Variants in SLMAP observed in about 807,000 individuals in gnomAD.
SLMAP encodes the protein sarcolemma associated protein, also known as sarcolemmal membrane-associated protein.
In SLMAP, 44 loss-of-function variants were observed where a neutral mutation model predicts 128.8. The observed-to-expected ratio is 0.34, with a 90% CI of 0.27 to 0.44. The LOEUF (loss-of-function observed/expected upper bound fraction) is 0.44, where lower values mean the gene tolerates loss of function less well. Ranked by LOEUF, SLMAP falls within the 20% of genes least tolerant of loss-of-function variation. The pLI is 1.00. For missense variants in SLMAP, 787 were observed against 985.3 expected (o/e 0.80, Z 2.69); for synonymous variants, 327 against 348.8 (o/e 0.94, Z 0.70).
intron 19 of SLMAP, among the ~76,000 whole-genome samples, chr3:57,909,814 G>T (rs942546308): frequency 5.3e-5 from 8 of 151,702 alleles, no homozygotes; most frequent in Admixed American, 1.3e-4. Context: ...GTTTCTCCAT[G>T]TTGGTCAGGC....
chr3:57,923,848 T>C (rs188285407), intron 23 of SLMAP, among the ~76,000 whole-genome samples: 79 of 152,316 alleles, frequency 5.2e-4, no homozygotes, highest in Non-Finnish European at 8.8e-5. Flanking sequence ...CACAGAATGC[T>C]CATGAGTTGT....
chr3:57,788,332 A>G (rs1267332173), intron 2 of SLMAP, among the ~76,000 whole-genome samples: 8 of 152,210 alleles, frequency 5.3e-5, no homozygotes, highest in Admixed American at 5.2e-4. Context: ...CTTTGTTTTT[A>G]GAATAGCAGT....
At chr3:57,904,477 T>A (rs941701010) in intron 17 of SLMAP, among the ~76,000 whole-genome samples, 1 of 152,218 alleles carries the variant, frequency 6.6e-6, no homozygotes, top group Non-Finnish European at 1.5e-5. Flanking sequence ...GCCTTTATGC[T>A]TAAATACCTC....
intron 23 of SLMAP, among the ~76,000 whole-genome samples, chr3:57,925,330 T>TTC (rs1421668482): frequency 2.6e-5 from 3 of 116,228 alleles, no homozygotes; most frequent in African/African-American, 9.5e-5. Flanking sequence ...AGCTGTTTCT[T>TTC]TCTCTTTTTT....
chr3:57,795,772 C>A (rs967119704), intron 2 of SLMAP, among the ~76,000 whole-genome samples: 30 of 151,932 alleles, frequency 2.0e-4, no homozygotes, highest in African/African-American at 6.8e-4. Flanking sequence ...CCTCCATTTC[C>A]AGAACTTTTT....
chr3:57,824,344 G>T (rs1392774124), intron 2 of SLMAP, among the ~76,000 whole-genome samples: 1 of 152,024 alleles, frequency 6.6e-6, no homozygotes, highest in African/African-American at 2.4e-5. Flanking sequence ...GAAAGGGACA[G>T]AAAAAATAGT....
intron 14 of SLMAP, among the ~76,000 whole-genome samples, chr3:57,885,043 A>G (rs1234820433): frequency 6.6e-6 from 1 of 152,114 alleles, no homozygotes; most frequent in Non-Finnish European, 1.5e-5. Context: ...TGAGTAGGGA[A>G]GAAATAGGAA....
At position 57,784,202 on chromosome 3, in the gene SLMAP, GGCCACC is replaced by G. The variant is rs1255988009; in HGVS notation, c.198+26354_198+26359del. On this transcript the variant is annotated intron_variant, in intron 2 of 24. Coordinates refer to ENST00000671191, the MANE Select transcript of SLMAP (RefSeq NM_001377540.1). Reference sequence around the variant, plus strand: ...AGCCCCCAAGACCACAGAACTATAGGGCCACCAGCATATAACTGCACCCTGGAAAGG... The same window carrying G: ...AGCCCCCAAGACCACAGAACTATAGGAGCATATAACTGCACCCTGGAAAGG... Among the ~76,000 whole-genome samples the G allele has an allele frequency of 7.2e-5, 11 of 152,212 alleles. No homozygotes were observed. In the South Asian group the frequency reaches 2.3e-3, roughly 32 times the overall value.
At chr3:57,864,252 AC>A (rs1325352493) in intron 10 of SLMAP, among the ~76,000 whole-genome samples, 1 of 152,190 alleles carries the variant, frequency 6.6e-6, no homozygotes, top group Non-Finnish European at 1.5e-5. Context: ...TTCTAAAAAT[AC>A]AAAATTAGCT....
intron 14 of SLMAP, among the ~76,000 whole-genome samples, chr3:57,884,726 T>A (rs976002529): frequency 6.6e-6 from 1 of 152,108 alleles, no homozygotes; most frequent in African/African-American, 2.4e-5. Context: ...GGAGGATGGC[T>A]TGAGCCCAGA....
chr3:57,920,403 C>T (rs1001999850), intron 22 of SLMAP, among the ~76,000 whole-genome samples: 5 of 152,150 alleles, frequency 3.3e-5, no homozygotes, highest in African/African-American at 4.8e-5. Context: ...TTTCTGGTGA[C>T]CTCTGTGTTG....
chr3:57,858,364 A>G lies in SLMAP; in HGVS notation c.687+205A>G, dbSNP rs67167533. Among the ~76,000 whole-genome samples the G allele has an allele frequency of 0.12, 18,677 of 152,196 alleles. 1,223 individuals are homozygous for G. Among genetic ancestry groups the G allele is most frequent in the South Asian group, 0.15 (746 of 4,824 alleles). On this transcript the variant is annotated intron_variant, in intron 8 of 24. Transcript: ENST00000671191. ...CCATGTACAAGTCTGTCTTTTTTCTATTGCAGTTAATATTTCTTGAAAAAA... is the reference window on the plus strand; with the variant it reads ...CCATGTACAAGTCTGTCTTTTTTCTGTTGCAGTTAATATTTCTTGAAAAAA...
chr3:57,803,665 C>T (rs2089133928), intron 2 of SLMAP, among the ~76,000 whole-genome samples: 1 of 152,350 alleles, frequency 6.6e-6, no homozygotes, highest in Middle Eastern at 3.4e-3. Flanking sequence ...ATGCCTTCCT[C>T]TCCACTCTCT....
intron 2 of SLMAP, among the ~76,000 whole-genome samples, chr3:57,763,277 CTT>C (rs1282358973): frequency 1.5e-4 from 21 of 140,270 alleles, no homozygotes; most frequent in Non-Finnish European, 1.9e-4. Flanking sequence ...CTTAGTGCAT[CTT>C]TTTTTTTTTT....
At chr3:57,812,308 G>A (rs2091126215) in intron 2 of SLMAP, among the ~76,000 whole-genome samples, 1 of 152,078 alleles carries the variant, frequency 6.6e-6, no homozygotes. Context: ...AGTTTTCCTA[G>A]CACCATTTGT....
chr3:57,803,160 T>C (rs2088979641), intron 2 of SLMAP, among the ~76,000 whole-genome samples: 1 of 152,122 alleles, frequency 6.6e-6, no homozygotes, highest in Non-Finnish European at 1.5e-5. Context: ...TTGAAAACTT[T>C]GATTCCATGA....
At chr3:57,879,987 G>A (rs2095693729) in intron 14 of SLMAP, among the ~76,000 whole-genome samples, 1 of 151,580 alleles carries the variant, frequency 6.6e-6, no homozygotes, top group African/African-American at 2.4e-5. Flanking sequence ...ACACAGAATA[G>A]TAGTTACCTT....
At chr3:57,866,029 T>C (rs1220037871) in intron 13 of SLMAP, among the ~76,000 whole-genome samples, 1 of 152,210 alleles carries the variant, frequency 6.6e-6, no homozygotes, top group African/African-American at 2.4e-5. Context: ...CTTTTCTGTG[T>C]TTACCAATCT....
At chr3:57,919,258 G>A (rs1400835972) in intron 22 of SLMAP, among the ~76,000 whole-genome samples, 2 of 152,010 alleles carry the variant, frequency 1.3e-5, no homozygotes, top group African/African-American at 4.8e-5. Flanking sequence ...GCATGCGCCT[G>A]TAATCCCAGC....
Sources: gnomAD v4.1 joint callset for allele counts (sites outside exome capture counted in the v4.1 genomes callset) on GRCh38, gnomAD v4.1.1 for gene constraint, MANE v1.5 for transcripts, NCBI Gene and HGNC (gene_info 2026-07-23, HGNC 2026-07-21) for gene names.